The following SCFD2 variants were observed in gnomAD, a reference collection of about 807,000 sequenced individuals.
SCFD2 encodes sec1 family domain containing 2.
SCFD2 carries 54 observed loss-of-function variants against 58.9 expected under a neutral mutation model. The ratio of observed to expected loss-of-function variants is 0.92; its 90% CI spans 0.74 to 1.15. SCFD2 has a LOEUF of 1.15. Ranked by LOEUF, SCFD2 falls within the 50% of genes most tolerant of loss-of-function variation. The probability of loss-of-function intolerance (pLI) is 0.00; values close to 1 mark genes in which losing one functional copy is unlikely to be tolerated. For missense variants in SCFD2, 805 were observed against 836.6 expected, an observed-to-expected ratio of 0.96 and a Z score of 0.47; for synonymous variants, 321 against 335.9, an observed-to-expected ratio of 0.96 and a Z score of 0.49.
chr4:52,970,991 G>C (rs1721085251), intron 5 of SCFD2, among the ~76,000 whole-genome samples: 2 of 152,142 alleles, frequency 1.3e-5, no homozygotes, highest in African/African-American at 4.8e-5. Context: ...AAACAGAAAG[G>C]ACATCCACAC....
chr4:53,150,641 G>A (rs1043366292), intron 4 of SCFD2, among the ~76,000 whole-genome samples: 6 of 152,152 alleles, frequency 3.9e-5, no homozygotes, highest in African/African-American at 1.4e-4. Context: ...TTTCAATCCA[G>A]GCTGTACCAA....
At chr4:53,358,481 AG>A (rs1734460331) in intron 1 of SCFD2, among the ~76,000 whole-genome samples, 1 of 151,812 alleles carries the variant, frequency 6.6e-6, no homozygotes, top group South Asian at 2.1e-4. Context: ...TGAACCTGGA[AG>A]GTGAAGGTTG....
At chr4:52,984,398 G>C (rs949320369) in intron 5 of SCFD2, among the ~76,000 whole-genome samples, 1 of 152,194 alleles carries the variant, frequency 6.6e-6, no homozygotes, top group Non-Finnish European at 1.5e-5. Context: ...TCATTGTCAA[G>C]GGTGTTCTAT....
chr4:52,960,677 T>A (rs1200260966), intron 5 of SCFD2, among the ~76,000 whole-genome samples: 1 of 150,934 alleles, frequency 6.6e-6, no homozygotes, highest in African/African-American at 2.4e-5. Context: ...CCAAAGCACA[T>A]CTTCTTTTCC....
intron 5 of SCFD2, among the ~76,000 whole-genome samples, chr4:53,094,579 T>C (rs1280830189): frequency 6.6e-6 from 1 of 152,090 alleles, no homozygotes; most frequent in African/African-American, 2.4e-5. Flanking sequence ...GACTTTAACA[T>C]ATAACATCAG....
At position 53,044,954 on chromosome 4, in the gene SCFD2, C is replaced by T. The variant is rs550824044; in HGVS notation, c.1561+100379G>A. Among the ~76,000 whole-genome samples the T allele has an allele frequency of 2.2e-4, 27 of 122,344 alleles. 1 individual carries two copies. The South Asian group carries it at 6.2e-3, about 28-fold the overall frequency. The allele number at this position is 122,344 out of a possible 152,430, so 80.3% of individuals were successfully genotyped here. On this transcript the variant is annotated intron_variant, in intron 5 of 8. Transcript: ENST00000401642. ...AACTTGCTTTGAGTCTGGGGTGAGC[C>T]GTGGTAACTTATAGTCACTTAGTAG... is the stretch of plus-strand genomic sequence containing the variant.
chr4:52,958,563 A>G (rs781626179), intron 5 of SCFD2, among the ~76,000 whole-genome samples: 5 of 152,134 alleles, frequency 3.3e-5, no homozygotes, highest in Non-Finnish European at 7.4e-5. Context: ...TCATCGGCTT[A>G]CCGTCAGATC....
chr4:53,017,840 G>T (rs958703642), intron 5 of SCFD2, among the ~76,000 whole-genome samples: 4 of 152,080 alleles, frequency 2.6e-5, no homozygotes, highest in African/African-American at 9.7e-5. Context: ...CCACTTCAGG[G>T]CCTTTGCATT....
chr4:52,999,689 GACTATGAGCTTTAC>G (rs1342378021), intron 5 of SCFD2, among the ~76,000 whole-genome samples: 2 of 152,174 alleles, frequency 1.3e-5, no homozygotes, highest in African/African-American at 4.8e-5. Flanking sequence ...TCGTCCATTT[GACTATGAGCTTTAC>G]ACTTTTTGCC....
At chr4:53,268,992 A>G (rs1202577788) in intron 4 of SCFD2, among the ~76,000 whole-genome samples, 4 of 152,172 alleles carry the variant, frequency 2.6e-5, no homozygotes, top group African/African-American at 4.8e-5. Context: ...GGAAAGGGGG[A>G]AAACTGGAAT....
At chr4:52,881,380 C>T (rs1718605526) in intron 8 of SCFD2, among the ~76,000 whole-genome samples, 1 of 152,206 alleles carries the variant, frequency 6.6e-6, no homozygotes, top group African/African-American at 2.4e-5. Flanking sequence ...GGTTTTTCTA[C>T]ACTAGCACCC....
chr4:53,021,723 G>C (rs551748854), intron 5 of SCFD2, among the ~76,000 whole-genome samples: 1 of 152,160 alleles, frequency 6.6e-6, no homozygotes, highest in South Asian at 2.1e-4. Context: ...AGAGATGGTA[G>C]AAAAAAGCAT....
chr4:53,309,535 G>A (rs998813731), intron 3 of SCFD2, among the ~76,000 whole-genome samples: 11 of 152,126 alleles, frequency 7.2e-5, no homozygotes, highest in African/African-American at 2.4e-5. Flanking sequence ...GCGGTGCAGG[G>A]AGGAGGAGTC....
At chr4:52,925,357 T>C (rs199851842) in intron 5 of SCFD2, among the ~76,000 whole-genome samples, 155 of 92,540 alleles carry the variant, frequency 1.7e-3, no homozygotes, top group East Asian at 6.9e-3. Flanking sequence ...TATATATACA[T>C]ATATATATAT....
chr4:53,025,048 C>T (rs1214318316), intron 5 of SCFD2, among the ~76,000 whole-genome samples: 2 of 152,130 alleles, frequency 1.3e-5, no homozygotes, highest in African/African-American at 4.8e-5. Context: ...GGCATCTCCA[C>T]GGCCCCTCTG....
At chr4:53,047,101 T>C (rs1422490300) in intron 5 of SCFD2, among the ~76,000 whole-genome samples, 1 of 152,192 alleles carries the variant, frequency 6.6e-6, no homozygotes, top group African/African-American at 2.4e-5. Flanking sequence ...TTAAAGATCA[T>C]AGATTTAAAA....
At chr4:53,329,161 C>A (rs1043079080) in intron 2 of SCFD2, among the ~76,000 whole-genome samples, 19 of 152,200 alleles carry the variant, frequency 1.2e-4, no homozygotes, top group Non-Finnish European at 1.9e-4. Flanking sequence ...GGCAGCGAGG[C>A]TGGGGAAGAG....
intron 7 of SCFD2, among the ~76,000 whole-genome samples, chr4:52,900,470 G>A (rs973342604): frequency 3.9e-5 from 6 of 152,160 alleles, no homozygotes; most frequent in South Asian, 2.1e-4. Flanking sequence ...TTGGTGAACC[G>A]CAAATGCTGC....
At chr4:53,187,409 A>C (rs1727769402) in intron 4 of SCFD2, among the ~76,000 whole-genome samples, 1 of 152,070 alleles carries the variant, frequency 6.6e-6, no homozygotes, top group Admixed American at 6.6e-5. Flanking sequence ...ATTATTATAC[A>C]TCCATAAAAA....
Sources: allele counts gnomAD v4.1 joint callset (sites outside exome capture counted in the v4.1 genomes callset), GRCh38; gene constraint gnomAD v4.1.1; transcripts MANE v1.5; gene names NCBI Gene and HGNC (gene_info 2026-07-23, HGNC 2026-07-21).